FKBP1A: variants seen among roughly 807,000 people sequenced by gnomAD.
FKBP1A encodes FKBP prolyl isomerase 1A.
Under a neutral mutation model 14.2 loss-of-function variants are expected in FKBP1A, and 5 were observed. The observed-to-expected ratio is 0.35, with a 90% CI of 0.18 to 0.74. The LOEUF (loss-of-function observed/expected upper bound fraction) is 0.74, where lower values mean the gene tolerates loss of function less well. FKBP1A is among the 30% of genes least tolerant of loss of function. FKBP1A has a pLI of 0.56. For synonymous variants in FKBP1A, 42 were observed against 49.1 expected, an observed-to-expected ratio of 0.86 and a Z score of 0.60; for missense variants, 53 against 138.8, an observed-to-expected ratio of 0.38 and a Z score of 3.10.
At chr20:1,391,321 C>G (rs2089733339) in intron 2 of FKBP1A, among the ~76,000 whole-genome samples, 1 of 152,148 alleles carries the variant, frequency 6.6e-6, no homozygotes, top group East Asian at 1.9e-4. Context: ...CTCATCCTTC[C>G]GATGACAAAT....
rs551521112 is a variant in FKBP1A at position 1,393,053 on chromosome 20, G to C, written c.-55C>G. On this transcript the variant is annotated 5_prime_UTR_variant, in exon 1 of 5. Transcript: ENST00000400137. Reference sequence around the variant, plus strand: ...GCGCGACGGGCGGCGTGGACCAACAGCGACCTGGCGGCGGTTCCACGGCTC... The same window carrying C: ...GCGCGACGGGCGGCGTGGACCAACACCGACCTGGCGGCGGTTCCACGGCTC... The C allele has an allele frequency of 8.3e-7, 1 of 1,198,172 alleles. No individual in the cohort carries two copies. Among genetic ancestry groups the C allele is most frequent in the Non-Finnish European group, 1.1e-6 (1 of 887,998 alleles). The allele number at this position is 1,198,172 out of a possible 1,614,324, so 74.2% of individuals were successfully genotyped here. A position where few individuals can be genotyped will look rare whatever the true frequency, so the allele number is the denominator to read the frequency against.
At chr20:1,370,108 C>A in intron 4 of FKBP1A, 36 bp from the exon 5 acceptor site, 1 of 1,542,100 alleles carries the variant, frequency 6.5e-7, no homozygotes. Context: ...TTTCCAGCAA[C>A]TCAGTGTTCT....
At chr20:1,373,039 G>C (rs2089489926) in intron 3 of FKBP1A, 1 of 152,096 alleles carries the variant, frequency 6.6e-6, no homozygotes, top group Non-Finnish European at 1.5e-5. Context: ...TCTGCTTTTG[G>C]TCTCCATGTG....
chr20:1,372,983 G>A (rs2089489024), intron 3 of FKBP1A: 1 of 152,190 alleles, frequency 6.6e-6, no homozygotes, highest in African/African-American at 2.4e-5. Context: ...TCTACTTTCT[G>A]AACAGTGAGC....
intron 2 of FKBP1A, among the ~76,000 whole-genome samples, chr20:1,376,419 C>A (rs2089544934): frequency 6.6e-6 from 1 of 152,226 alleles, no homozygotes; most frequent in African/African-American, 2.4e-5. Context: ...CACAAAACAA[C>A]CCATGCTCAT....
At chr20:1,384,907 T>G (rs1249381107) in intron 2 of FKBP1A, among the ~76,000 whole-genome samples, 1 of 152,176 alleles carries the variant, frequency 6.6e-6, no homozygotes, top group Non-Finnish European at 1.5e-5. Flanking sequence ...TCCCTTTAGA[T>G]CCTATAACCA....
At chr20:1,380,012 T>C (rs1240650323) in intron 2 of FKBP1A, among the ~76,000 whole-genome samples, 1 of 152,132 alleles carries the variant, frequency 6.6e-6, no homozygotes, top group Non-Finnish European at 1.5e-5. Context: ...AGAACTTCCA[T>C]TTCTGGTCAC....
chr20:1,387,617 G>A (rs2089681699), intron 2 of FKBP1A, among the ~76,000 whole-genome samples: 1 of 152,158 alleles, frequency 6.6e-6, no homozygotes, highest in Non-Finnish European at 1.5e-5. Flanking sequence ...AGGCTAAGGA[G>A]GGTGGATCAC....
chr20:1,385,739 C>T (rs2089663433), intron 2 of FKBP1A, among the ~76,000 whole-genome samples: 1 of 152,198 alleles, frequency 6.6e-6, no homozygotes, highest in Non-Finnish European at 1.5e-5. Context: ...TTTTCCAGTC[C>T]CAGAACATTG....
rs566725793 is a variant in FKBP1A, at chr20:1,386,485, C to T, written c.85+6349G>A. Among the ~76,000 whole-genome samples, 28 of 152,290 alleles carry T rather than the reference C, an allele frequency of 1.8e-4. No homozygotes were observed. The highest frequency in any genetic ancestry group is 1.6e-3 in the Admixed American group (24 of 15,304). ...GGTCTGGCCTCCTGGAGCCTTCAGT[C>T]GGTTGGGGAAAGAGCAGATGTTTAA... is the stretch of plus-strand genomic sequence containing the variant. On this transcript the variant is annotated intron_variant, in intron 2 of 4. Coordinates refer to ENST00000400137, the MANE Select transcript of FKBP1A (RefSeq NM_000801.5). The surrounding 1 kb of genome is among the most constrained non-coding windows in gnomAD (Gnocchi z 4.7).
At position 1,371,865 on chromosome 20, in the gene FKBP1A, C is replaced by T. The variant is rs573596162; in HGVS notation, c.*36+211G>A. The T allele has an allele frequency of 2.5e-3, 3,231 of 1,278,532 alleles. 7 individuals are homozygous for T. Among genetic ancestry groups the T allele is most frequent in the Non-Finnish European group, 3.0e-3 (3,042 of 1,013,500 alleles). 79.2% of individuals were successfully genotyped at this position (1,278,532 alleles called of 1,614,324 possible). A position where few individuals can be genotyped will look rare whatever the true frequency, so the allele number is the denominator to read the frequency against. ...CCATCTCCATGAGTTGAACTGGGAA[C>T]ATACACATGCCAATTCCTTTCCTTA... On this transcript the variant is annotated intron_variant, in intron 4 of 4. Transcript: ENST00000400137.
At chr20:1,384,350 T>A (rs1439893162) in intron 2 of FKBP1A, among the ~76,000 whole-genome samples, 1 of 152,216 alleles carries the variant, frequency 6.6e-6, no homozygotes, top group East Asian at 1.9e-4. Context: ...AATAATCATA[T>A]GGGAGACTAC....
At chr20:1,388,344 G>A (rs1010193594) in intron 2 of FKBP1A, among the ~76,000 whole-genome samples, 9 of 152,152 alleles carry the variant, frequency 5.9e-5, no homozygotes, top group South Asian at 4.1e-4. Context: ...AAAAAACAGC[G>A]TAAGGACTCT....
intron 3 of FKBP1A, among the ~76,000 whole-genome samples, chr20:1,373,871 T>C (rs955501469): frequency 2.0e-5 from 3 of 152,102 alleles, no homozygotes; most frequent in Non-Finnish European, 4.4e-5. Context: ...AAAGCTATGG[T>C]TGGCAAGGTT....
At chr20:1,374,386 C>G (rs1008522409) in intron 3 of FKBP1A, 2 of 152,144 alleles carry the variant, frequency 1.3e-5, no homozygotes, top group African/African-American at 4.8e-5. Flanking sequence ...ATGACTTTCT[C>G]CATAAGTATG....
intron 2 of FKBP1A, among the ~76,000 whole-genome samples, chr20:1,391,086 G>C (rs555313449): frequency 1.3e-5 from 2 of 152,262 alleles, no homozygotes; most frequent in Admixed American, 1.3e-4. Context: ...TACATGCTGG[G>C]GTCCAGTCCT....
chr20:1,388,805 G>GA (rs2089698643), intron 2 of FKBP1A, among the ~76,000 whole-genome samples: 1 of 151,972 alleles, frequency 6.6e-6, no homozygotes, highest in Non-Finnish European at 1.5e-5. Flanking sequence ...ACCTGAGTTA[G>GA]AAAAAGGCAA....
chr20:1,390,932 C>T (rs192117978), intron 2 of FKBP1A, among the ~76,000 whole-genome samples: 167 of 152,270 alleles, frequency 1.1e-3, no homozygotes, highest in African/African-American at 3.8e-3. Flanking sequence ...GCGTGCCACC[C>T]GCGAGAAAAA....
intron 2 of FKBP1A, among the ~76,000 whole-genome samples, chr20:1,383,047 G>A (rs781562183): frequency 2.0e-5 from 3 of 152,130 alleles, no homozygotes; most frequent in Non-Finnish European, 2.9e-5. Flanking sequence ...CCACTGAAGC[G>A]GTGGTTAAGA....
Sources: allele counts gnomAD v4.1 joint callset (sites outside exome capture counted in the v4.1 genomes callset), GRCh38; gene constraint gnomAD v4.1.1; non-coding constraint Gnocchi (gnomAD v3.1); transcripts MANE v1.5; gene names NCBI Gene and HGNC (gene_info 2026-07-23, HGNC 2026-07-21).